GATB: variants seen among roughly 807,000 people sequenced by gnomAD.
The protein encoded by GATB is glutamyl-tRNA amidotransferase subunit B, also known as glutamyl-tRNA(Gln) amidotransferase subunit B, mitochondrial.
A neutral mutation model predicts 62.3 loss-of-function variants in GATB; 39 were observed. The observed-to-expected ratio is 0.63, with a 90% CI of 0.48 to 0.82. GATB has a LOEUF of 0.82. GATB is among the 40% of genes least tolerant of loss of function. The pLI, the probability that GATB is intolerant of heterozygous loss-of-function variation, is 0.00. For missense variants in GATB, 670 were observed against 684.0 expected, an observed-to-expected ratio of 0.98 and a Z score of 0.23; for synonymous variants, 276 against 258.9, an observed-to-expected ratio of 1.07 and a Z score of -0.63.
chr4:151,683,733 T>G (rs1347695320), intron 10 of GATB, among the ~76,000 whole-genome samples: 1 of 152,210 alleles, frequency 6.6e-6, no homozygotes, highest in Non-Finnish European at 1.5e-5. Flanking sequence ...CAATTCTTAG[T>G]CACAGGCTCT....
In GATB at chr4:151,730,019, TG is replaced by T. The variant is rs1739212253; in HGVS notation, c.328-10482del. 1.3e-5 allele frequency among the ~76,000 whole-genome samples: 2 copies of T among 152,126 alleles called. No individual in the cohort carries two copies. Among genetic ancestry groups the T allele is most frequent in the South Asian group, 4.2e-4 (2 of 4,812 alleles). On this transcript the variant is annotated intron_variant, in intron 2 of 12. Transcript: ENST00000263985. The surrounding 1 kb of genome is among the most constrained non-coding windows in gnomAD (Gnocchi z 4.1). ...GACCCGGGAGACACCCCAAATACTCTGGGAAGTGGAAAGCCTCAGGCAAGTT... is the reference window on the plus strand; with the variant it reads ...GACCCGGGAGACACCCCAAATACTCTGGAAGTGGAAAGCCTCAGGCAAGTT...
At chr4:151,698,858 A>T (rs1262713629) in intron 9 of GATB, among the ~76,000 whole-genome samples, 1 of 152,234 alleles carries the variant, frequency 6.6e-6, no homozygotes, top group East Asian at 1.9e-4. Flanking sequence ...TCCTTTCAAA[A>T]ATGGCCAAAA....
intron 8 of GATB, 90 bp from the exon 9 acceptor site, chr4:151,701,608 G>T: frequency 1.1e-6 from 1 of 902,948 alleles, no homozygotes; most frequent in Non-Finnish European, 1.5e-6. Flanking sequence ...ATGTTTCTGT[G>T]TTTAGATGCC....
At chr4:151,693,891 G>A (rs953158129) in intron 9 of GATB, among the ~76,000 whole-genome samples, 1 of 152,208 alleles carries the variant, frequency 6.6e-6, no homozygotes, top group Non-Finnish European at 1.5e-5. Context: ...CAGGGGAGAT[G>A]CTGAAGGAAA....
chr4:151,673,781 T>G (rs1460826906), intron 11 of GATB: 1 of 152,166 alleles, frequency 6.6e-6, no homozygotes, highest in African/African-American at 2.4e-5. Context: ...GAGGAGGGCT[T>G]CCTCTGTTGG....
intron 1 of GATB, 142 bp from the exon 2 acceptor site, chr4:151,759,064 A>G (rs1739898145): frequency 9.7e-6 from 5 of 517,036 alleles, no homozygotes; most frequent in East Asian, 3.3e-5. Flanking sequence ...AAAATGTGTC[A>G]TATTTTATCA....
intron 5 of GATB, among the ~76,000 whole-genome samples, chr4:151,711,265 A>C (rs1189606611): frequency 6.6e-6 from 1 of 152,226 alleles, no homozygotes; most frequent in Admixed American, 6.5e-5. Context: ...CAGAGCAGCC[A>C]GAGCGGTTTT....
chr4:151,748,154 A>T, intron 2 of GATB, among the ~76,000 whole-genome samples: 1 of 152,294 alleles, frequency 6.6e-6, no homozygotes. Flanking sequence ...ATAGAACTGG[A>T]AAAAACTACT....
Position 151,688,645 on chromosome 4 carries a change from A to C in GATB, c.1316T>G (p.Leu439Arg). The C allele has an allele frequency of 6.2e-7, 1 of 1,609,458 alleles. No homozygotes were observed. The highest frequency in any genetic ancestry group is 8.5e-7 in the Non-Finnish European group (1 of 1,178,822). ...CCTCACTCACCTCTCACTGACAGCG[A>C]GGTTCTGTTGCTTTAAATAGCCCAG... ...TFLGYLKQQN[L>R]AVSESPVTPS... The change falls in exon 10 of 13, where the codon CTC becomes CGC. Residue 439 changes from leucine (L) to arginine (R), a missense_variant. Coordinates refer to ENST00000263985, the MANE Select transcript of GATB (RefSeq NM_004564.3).
chr4:151,712,902 G>C (rs112980904), intron 5 of GATB, among the ~76,000 whole-genome samples: 1 of 152,188 alleles, frequency 6.6e-6, no homozygotes, highest in Admixed American at 6.5e-5. Flanking sequence ...GACAGGTACT[G>C]GTCTGTGGCC....
intron 2 of GATB, among the ~76,000 whole-genome samples, chr4:151,734,349 CCA>C (rs1739326707): frequency 9.0e-6 from 1 of 110,528 alleles, no homozygotes; most frequent in African/African-American, 4.3e-5. Context: ...AAAATAGCTG[CCA>C]AAAAAAAAAA....
intron 2 of GATB, among the ~76,000 whole-genome samples, chr4:151,725,601 T>C (rs1739122385): frequency 6.6e-6 from 1 of 152,232 alleles, no homozygotes; most frequent in African/African-American, 2.4e-5. Context: ...CTCATCTGGA[T>C]TGAACTCAAC....
intron 2 of GATB, among the ~76,000 whole-genome samples, chr4:151,728,197 T>C (rs1466684237): frequency 1.3e-5 from 2 of 152,160 alleles, no homozygotes; most frequent in Non-Finnish European, 2.9e-5. Flanking sequence ...AAAGCTCCCA[T>C]GTGCACTAAA....
intron 6 of GATB, among the ~76,000 whole-genome samples, chr4:151,706,002 C>G (rs1738707000): frequency 6.6e-6 from 1 of 152,150 alleles, no homozygotes; most frequent in South Asian, 2.1e-4. Context: ...TATCTTGAGC[C>G]TCCACCTTAA....
chr4:151,686,652 GCCCCCC>G lies in GATB; in HGVS notation c.1331+1972_1331+1977del, dbSNP rs374250502. On this transcript the variant is annotated intron_variant, in intron 10 of 12. Coordinates refer to ENST00000263985, the MANE Select transcript of GATB (RefSeq NM_004564.3). The stretch of plus-strand genomic sequence containing the variant: ...CTTCTGTGTCACCAGTCCCCGCCCC[GCCCCCC>G]CCCCACCCCCCAGTTTCCTGGTTTT... 0.012 allele frequency among the ~76,000 whole-genome samples: 844 copies of G among 70,982 alleles called. 32 individuals carry two copies. In the East Asian group the frequency reaches 0.16, roughly 13 times the overall value. The allele number at this position is 70,982 out of a possible 152,430, so 46.6% of individuals were successfully genotyped here.
chr4:151,717,963 G>A (rs1738946601), intron 3 of GATB, among the ~76,000 whole-genome samples: 1 of 150,280 alleles, frequency 6.7e-6, no homozygotes, highest in South Asian at 2.1e-4. Context: ...CAGAGCTAGT[G>A]AGCATCAATG....
intron 2 of GATB, among the ~76,000 whole-genome samples, chr4:151,724,867 T>C (rs1490230390): frequency 6.6e-6 from 1 of 152,094 alleles, no homozygotes; most frequent in East Asian, 1.9e-4. Flanking sequence ...CTAAATATAA[T>C]ACCAAGCTGA....
At chr4:151,744,520 C>A (rs1157445652) in intron 2 of GATB, among the ~76,000 whole-genome samples, 2 of 152,062 alleles carry the variant, frequency 1.3e-5, no homozygotes, top group African/African-American at 4.8e-5. Flanking sequence ...GAGGTGGAGG[C>A]AGGAGGACTC....
At chr4:151,757,878 C>T (rs1293228167) in intron 2 of GATB, among the ~76,000 whole-genome samples, 3 of 152,190 alleles carry the variant, frequency 2.0e-5, no homozygotes, top group Admixed American at 2.0e-4. Flanking sequence ...ATACACATTT[C>T]CTCCAAAGAT....
Sources: allele counts gnomAD v4.1 joint callset (sites outside exome capture counted in the v4.1 genomes callset), GRCh38; gene constraint gnomAD v4.1.1; non-coding constraint Gnocchi (gnomAD v3.1); transcripts MANE v1.5; gene names NCBI Gene and HGNC (gene_info 2026-07-23, HGNC 2026-07-21).